HCK: variants seen among roughly 807,000 people sequenced by gnomAD.
HCK encodes the protein HCK proto-oncogene, Src family tyrosine kinase, also known as tyrosine-protein kinase HCK.
A neutral mutation model predicts 70.4 loss-of-function variants in HCK; 40 were observed. That is an observed-to-expected ratio of 0.57 (90% CI 0.44 to 0.74). The LOEUF (loss-of-function observed/expected upper bound fraction) is 0.74, where lower values mean the gene tolerates loss of function less well. Ranked by LOEUF, HCK falls within the 30% of genes least tolerant of loss-of-function variation. HCK has a pLI of 0.00. For missense variants in HCK, 568 were observed against 697.2 expected (o/e 0.81, Z 2.09); for synonymous variants, 245 against 263.2 (o/e 0.93, Z 0.67).
chr20:32,078,189 C>T (rs2045655338), intron 5 of HCK, among the ~76,000 whole-genome samples: 2 of 151,424 alleles, frequency 1.3e-5, no homozygotes, highest in East Asian at 1.9e-4. Flanking sequence ...CTCCTGCCAC[C>T]ATGCTCGGCT....
chr20:32,079,751 T>C (rs2045681047), intron 5 of HCK, 23 bp from the exon 6 acceptor site: 1 of 1,568,642 alleles, frequency 6.4e-7, no homozygotes, highest in Admixed American at 1.7e-5. Context: ...AGGTTCACAT[T>C]TGTCCCCTCC....
chr20:32,084,394 G>A lies in HCK; in HGVS notation c.686G>A (p.Gly229Glu), dbSNP rs766669962. The change falls in exon 8 of 13, where the codon GGG (glycine) becomes GAG (glutamate). Residue 229 changes from glycine to glutamate, a missense_variant. Around this residue, in one of 4 missense-constraint regions of HCK, gnomAD observed 318 missense variants for 336.0 expected, o/e 0.95. Transcript: ENST00000375852. ...TTGACCAGGGACTCTGTTCCAGAGG[G>A]GAACGACGGGCTCTGCCAGAAACTG... The A allele has an allele frequency of 1.9e-6, 3 of 1,612,460 alleles. No individual in the cohort carries two copies. The highest frequency in any genetic ancestry group is 2.5e-6 in the Non-Finnish European group (3 of 1,179,094).
In HCK at chr20:32,062,390, G is replaced by C. The variant is rs531345185; in HGVS notation, c.63-9272G>C. Among the ~76,000 whole-genome samples the C allele has an allele frequency of 1.4e-3, 220 of 152,284 alleles. 1 individual carries two copies. The highest frequency in any genetic ancestry group is 5.1e-3 in the African/African-American group (210 of 41,548). The stretch of plus-strand genomic sequence containing the variant: ...TAAAATCATTCCAAGAAGGTTCACA[G>C]TTGCTCTGGAATTCTGAAATTGACC... On this transcript the variant is annotated intron_variant, in intron 1 of 12. Coordinates refer to ENST00000375852, the MANE Select transcript of HCK (RefSeq NM_002110.5).
At chr20:32,053,734 T>A (rs956911218) in intron 1 of HCK, among the ~76,000 whole-genome samples, 8 of 151,578 alleles carry the variant, frequency 5.3e-5, no homozygotes, top group Admixed American at 3.9e-4. Flanking sequence ...TTGCCCTAGC[T>A]AGACATATGG....
At chr20:32,068,749 C>A (rs975481149) in intron 1 of HCK, among the ~76,000 whole-genome samples, 7 of 151,306 alleles carry the variant, frequency 4.6e-5, no homozygotes, top group African/African-American at 1.2e-4. Flanking sequence ...TGAGACCTGC[C>A]CCCCCTCTCT....
chr20:32,077,447 G>A (rs2045643468), intron 5 of HCK, among the ~76,000 whole-genome samples: 1 of 152,182 alleles, frequency 6.6e-6, no homozygotes, highest in South Asian at 2.1e-4. Flanking sequence ...TCTCACACAA[G>A]TGGTAGATAC....
intron 1 of HCK, among the ~76,000 whole-genome samples, chr20:32,055,790 C>T (rs2045261623): frequency 6.6e-6 from 1 of 152,194 alleles, no homozygotes; most frequent in East Asian, 1.9e-4. Flanking sequence ...ATTTCCATCA[C>T]CCCTGAAAAA....
At chr20:32,084,812 C>T (rs1448013997) in intron 8 of HCK, among the ~76,000 whole-genome samples, 4 of 152,288 alleles carry the variant, frequency 2.6e-5, no homozygotes, top group East Asian at 1.9e-4. Flanking sequence ...CTCCCTCATA[C>T]GGAGTGGGGA....
At chr20:32,055,468 AAT>A (rs1218395474) in intron 1 of HCK, among the ~76,000 whole-genome samples, 1 of 152,238 alleles carries the variant, frequency 6.6e-6, no homozygotes, top group Non-Finnish European at 1.5e-5. Flanking sequence ...TAATTAGTAT[AAT>A]GCTACACATA....
intron 1 of HCK, among the ~76,000 whole-genome samples, chr20:32,061,274 G>T (rs142790668): frequency 6.6e-6 from 1 of 152,186 alleles, no homozygotes; most frequent in Non-Finnish European, 1.5e-5. Context: ...GAGCCACTGC[G>T]CCCAGCTGCC....
At position 32,073,347 on chromosome 20, in the gene HCK, C is replaced by A. The variant is rs369294499; in HGVS notation, c.212C>A (p.Pro71Gln). 19 of 1,611,918 alleles carry A rather than the reference C, an allele frequency of 1.2e-5. No individual in the cohort carries two copies. Among genetic ancestry groups the A allele is most frequent in the African/African-American group, 4.0e-5 (3 of 74,782 alleles). The change falls in exon 3 of 13, where the codon CCA becomes CAA. Residue 71 changes from proline to glutamine, a missense_variant. This residue lies in a region of HCK where 318 missense variants were observed against 336.0 expected (regional missense o/e 0.95). Coordinates refer to ENST00000375852, the MANE Select transcript of HCK (RefSeq NM_002110.5). ...CCTAATAGCCACAACAGCAACACAC[C>A]AGGAATCAGGGAGGGTAAGTATCTA... is the stretch of plus-strand genomic sequence containing the variant.
intron 1 of HCK, among the ~76,000 whole-genome samples, chr20:32,059,692 T>A (rs1258102464): frequency 6.6e-6 from 1 of 151,932 alleles, no homozygotes; most frequent in Non-Finnish European, 1.5e-5. Flanking sequence ...TAAAAAAAAA[T>A]TCTGGTAGAA....
At position 32,071,781 on chromosome 20, in the gene HCK, C is replaced by A; in HGVS notation, c.182C>A (p.Pro61Gln). 1 of 1,613,688 alleles carries A rather than the reference C, an allele frequency of 6.2e-7. No homozygotes were observed. Among genetic ancestry groups the A allele is most frequent in the African/African-American group, 1.3e-5 (1 of 75,016 alleles). Residue 61 changes from proline (P) to glutamine (Q), a missense_variant and splice_region_variant, in exon 2 of 13, where the codon CCG becomes CAG. By Grantham distance (76) the Pro-to-Gln change is moderately conservative. This residue lies in a region of HCK where 318 missense variants were observed against 336.0 expected (regional missense o/e 0.95). Coordinates refer to ENST00000375852, the MANE Select transcript of HCK (RefSeq NM_002110.5). ...CCGGATCCCACATCCACCATCAAGC[C>A]GGTGAGTAGGGGAGGTCCCAGTTTC...
rs376203273 is a variant in HCK at position 32,101,311 on chromosome 20, T to C, written c.1379-6T>C. 19 of 1,613,412 alleles carry C rather than the reference T, an allele frequency of 1.2e-5. No homozygotes were observed. Among genetic ancestry groups the C allele is most frequent in the Non-Finnish European group, 1.5e-5 (18 of 1,179,702 alleles). ...TTCCGTTTCTAATTCCACGGCTCCT[T>C]TTCAGGGATGTCAAACCCTGAAGTG... is the stretch of plus-strand genomic sequence containing the variant. On this transcript the variant is annotated splice_polypyrimidine_tract_variant and splice_region_variant and intron_variant, in intron 12 of 12. Coordinates refer to ENST00000375852, the MANE Select transcript of HCK (RefSeq NM_002110.5).
intron 1 of HCK, among the ~76,000 whole-genome samples, chr20:32,061,586 G>A (rs996430406): frequency 6.6e-6 from 1 of 152,224 alleles, no homozygotes; most frequent in African/African-American, 2.4e-5. Flanking sequence ...TGGGAGTTGG[G>A]GGGCAGAGGA....
At chr20:32,077,641 C>T (rs964309715) in intron 5 of HCK, among the ~76,000 whole-genome samples, 5 of 152,144 alleles carry the variant, frequency 3.3e-5, no homozygotes, top group African/African-American at 1.2e-4. Flanking sequence ...ATTCTCCTGC[C>T]TCAGCCTCCC....
In HCK at chr20:32,071,735, C is replaced by G. The variant is rs147906206; in HGVS notation, c.136C>G (p.Pro46Ala). Residue 46 changes from proline (P) to alanine (A), a missense_variant, in exon 2 of 13, where the codon CCA becomes GCA. Transcript: ENST00000375852. ...CTCAAAAACTGAAACCAGCGCCAGCCCACACTGTCCTGTGTACGTGCCGGA... is the reference window on the plus strand; with the variant it reads ...CTCAAAAACTGAAACCAGCGCCAGCGCACACTGTCCTGTGTACGTGCCGGA... The G allele has an allele frequency of 2.3e-4, 369 of 1,614,176 alleles. 1 individual carries two copies. In the Middle Eastern group the frequency reaches 2.6e-3, roughly 12 times the overall value.
intron 1 of HCK, among the ~76,000 whole-genome samples, chr20:32,063,086 C>T (rs1164388575): frequency 6.6e-6 from 1 of 152,180 alleles, no homozygotes; most frequent in Non-Finnish European, 1.5e-5. Flanking sequence ...CCAGTTTGAC[C>T]TACCACTGAC....
chr20:32,076,923 T>G (rs764435953), intron 5 of HCK, among the ~76,000 whole-genome samples: 1 of 151,926 alleles, frequency 6.6e-6, no homozygotes, highest in Non-Finnish European at 1.5e-5. Flanking sequence ...CTGCCTCTAC[T>G]AAAAATACAA....
Sources: allele counts gnomAD v4.1 joint callset (sites outside exome capture counted in the v4.1 genomes callset), GRCh38; gene constraint gnomAD v4.1.1; regional missense constraint gnomAD v4.1.1; transcripts MANE v1.5; gene names NCBI Gene and HGNC (gene_info 2026-07-23, HGNC 2026-07-21).